ST6GAL1: variants seen among roughly 807,000 people sequenced by gnomAD.
ST6GAL1 encodes the protein beta-galactoside alpha-2,6-sialyltransferase 1.
A neutral mutation model predicts 38.0 loss-of-function variants in ST6GAL1; 20 were observed. The ratio of observed to expected loss-of-function variants is 0.53; its 90% CI spans 0.37 to 0.77. The LOEUF is 0.77. Ranked by LOEUF, ST6GAL1 falls within the 30% of genes least tolerant of loss-of-function variation. The pLI is 0.00. For missense variants in ST6GAL1, 432 were observed against 496.4 expected (o/e 0.87, Z 1.23); for synonymous variants, 196 against 188.2 (o/e 1.04, Z -0.34).
Position 187,075,544 on chromosome 3 carries a change from C to G in ST6GAL1, c.980-18C>G, listed in dbSNP as rs1449227226. 5.0e-6 allele frequency: 8 copies of G among 1,612,650 alleles called. No homozygotes were observed. Among genetic ancestry groups the G allele is most frequent in the Non-Finnish European group, 3.4e-6 (4 of 1,178,862 alleles). ...GGGTGGGTTGTCAGGCATGACTCAC[C>G]TCTGCTCCCCTCTCCAGGTATCATC... On this transcript the variant is annotated intron_variant, in intron 7 of 7. Transcript: ENST00000169298. The surrounding 1 kb of genome is among the most constrained non-coding windows in gnomAD (Gnocchi z 4.1).
chr3:186,941,648 G>C (rs186712761), intron 1 of ST6GAL1, among the ~76,000 whole-genome samples: 1 of 152,230 alleles, frequency 6.6e-6, no homozygotes, highest in Non-Finnish European at 1.5e-5. Context: ...CTGACTTAAC[G>C]GAGCTACCCA....
chr3:187,055,931 GT>G (rs1718685121), intron 5 of ST6GAL1, among the ~76,000 whole-genome samples: 1 of 152,164 alleles, frequency 6.6e-6, no homozygotes, highest in South Asian at 2.1e-4. Context: ...TTATTATTGT[GT>G]GGGAGTCTAA....
chr3:187,031,490 C>G (rs1313414290), intron 2 of ST6GAL1, among the ~76,000 whole-genome samples: 1 of 151,342 alleles, frequency 6.6e-6, no homozygotes, highest in African/African-American at 2.4e-5. Flanking sequence ...GGCTGCAGTG[C>G]AGTGGTGTGA....
intron 2 of ST6GAL1, among the ~76,000 whole-genome samples, chr3:187,012,792 C>T (rs913139281): frequency 6.6e-6 from 1 of 152,224 alleles, no homozygotes; most frequent in Non-Finnish European, 1.5e-5. Context: ...TGAGCACATT[C>T]AGTGCAAGAG....
At chr3:187,064,697 T>A in intron 5 of ST6GAL1, 2 of 449,304 alleles carry the variant, frequency 4.5e-6, no homozygotes, top group Admixed American at 4.7e-5. Context: ...TCCTGGCCGC[T>A]CCATGACAGC....
At chr3:187,053,862 G>A (rs1485798338) in intron 5 of ST6GAL1, among the ~76,000 whole-genome samples, 2 of 152,146 alleles carry the variant, frequency 1.3e-5, no homozygotes, top group Non-Finnish European at 2.9e-5. Flanking sequence ...TGATGGGGAT[G>A]GCATTGAATC....
chr3:187,008,857 TTC>T (rs140725978), intron 2 of ST6GAL1, among the ~76,000 whole-genome samples: 7 of 152,124 alleles, frequency 4.6e-5, no homozygotes, highest in African/African-American at 1.4e-4. Context: ...TTTTTGGTTT[TTC>T]TCTCTCTGTC....
At chr3:187,061,082 ATGAT>A (rs1718900974) in intron 5 of ST6GAL1, among the ~76,000 whole-genome samples, 1 of 152,228 alleles carries the variant, frequency 6.6e-6, no homozygotes, top group South Asian at 2.1e-4. Flanking sequence ...ATAACAATGA[ATGAT>A]CTAGAAAGGA....
At chr3:187,009,735 G>T (rs1716895532) in intron 2 of ST6GAL1, among the ~76,000 whole-genome samples, 1 of 152,186 alleles carries the variant, frequency 6.6e-6, no homozygotes, top group South Asian at 2.1e-4. Flanking sequence ...GCTGGGCATG[G>T]TGACTCACGG....
intron 1 of ST6GAL1, among the ~76,000 whole-genome samples, chr3:186,935,363 A>G (rs1713912654): frequency 7.1e-6 from 1 of 141,500 alleles, no homozygotes; most frequent in African/African-American, 2.6e-5. Context: ...GCTGCATAGT[A>G]TTCCATAGTA....
chr3:187,000,395 C>CAA (rs370577965), intron 2 of ST6GAL1, among the ~76,000 whole-genome samples: 51 of 123,492 alleles, frequency 4.1e-4, no homozygotes, highest in Admixed American at 3.3e-3. Flanking sequence ...ACTAAAAATA[C>CAA]AAAAAAAAAA....
chr3:187,064,430 G>A lies in ST6GAL1; in HGVS notation c.706-8419G>A, dbSNP rs925893678. 4 of 440,302 alleles carry A rather than the reference G, an allele frequency of 9.1e-6. No individual in the cohort carries two copies. The East Asian group carries it at 2.1e-4, about 23-fold the overall frequency. 27.3% of individuals were successfully genotyped at this position (440,302 alleles called of 1,614,324 possible). A position where few individuals can be genotyped will look rare whatever the true frequency, so the allele number is the denominator to read the frequency against. Reference sequence around the variant, plus strand: ...CACAAAGGGTTGCGAAATAGCTCCCGTGGAATCAGAATCTGACAGGGAGGA... The same window carrying A: ...CACAAAGGGTTGCGAAATAGCTCCCATGGAATCAGAATCTGACAGGGAGGA... On this transcript the variant is annotated intron_variant, in intron 5 of 7. Coordinates refer to ENST00000169298, the MANE Select transcript of ST6GAL1 (RefSeq NM_173216.2).
At chr3:186,935,555 T>G (rs1325229534) in intron 1 of ST6GAL1, among the ~76,000 whole-genome samples, 1 of 152,232 alleles carries the variant, frequency 6.6e-6, no homozygotes, top group Non-Finnish European at 1.5e-5. Context: ...AGTTCTATTT[T>G]TAGTTTTTCG....
At chr3:186,933,436 C>T (rs1049917945) in intron 1 of ST6GAL1, among the ~76,000 whole-genome samples, 7 of 152,242 alleles carry the variant, frequency 4.6e-5, no homozygotes, top group African/African-American at 7.2e-5. Context: ...GTGTGGTGCA[C>T]GAGCTCGGAA....
chr3:186,934,263 G>A (rs1392963223), intron 1 of ST6GAL1, among the ~76,000 whole-genome samples: 1 of 152,108 alleles, frequency 6.6e-6, no homozygotes, highest in Admixed American at 6.5e-5. Context: ...TGGGCCAGGT[G>A]TGGTGGCTCA....
chr3:186,978,998 C>T lies in ST6GAL1; in HGVS notation c.-183+15072C>T, dbSNP rs564923782. Among the ~76,000 whole-genome samples the T allele has an allele frequency of 2.5e-4, 38 of 152,100 alleles. 1 individual carries two copies. The South Asian group carries it at 6.0e-3, about 24-fold the overall frequency. ...CTTCCTCTAGTAGAGTTGGCACCAC[C>T]TCCTCGGCCCTTAGTTTTTAATGCT... On this transcript the variant is annotated intron_variant, in intron 2 of 7. Coordinates refer to ENST00000169298, the MANE Select transcript of ST6GAL1 (RefSeq NM_173216.2).
At chr3:186,985,228 C>A (rs1715871231) in intron 2 of ST6GAL1, among the ~76,000 whole-genome samples, 1 of 151,962 alleles carries the variant, frequency 6.6e-6, no homozygotes, top group Non-Finnish European at 1.5e-5. Context: ...CTTTCTTGTA[C>A]TCTACTTTGT....
At chr3:187,010,381 C>G (rs1450652184) in intron 2 of ST6GAL1, among the ~76,000 whole-genome samples, 1 of 152,116 alleles carries the variant, frequency 6.6e-6, no homozygotes, top group East Asian at 1.9e-4. Context: ...TCTTTTATTT[C>G]CAGTGACATT....
intron 1 of ST6GAL1, among the ~76,000 whole-genome samples, chr3:186,944,557 C>T (rs1186044027): frequency 6.6e-6 from 1 of 151,988 alleles, no homozygotes; most frequent in Non-Finnish European, 1.5e-5. Flanking sequence ...GATGAAACTA[C>T]TCAATGAAAT....
Sources: gnomAD v4.1 joint callset for allele counts (sites outside exome capture counted in the v4.1 genomes callset) on GRCh38, gnomAD v4.1.1 for gene constraint, Gnocchi (gnomAD v3.1) non-coding constraint, MANE v1.5 for transcripts, NCBI Gene and HGNC (gene_info 2026-07-23, HGNC 2026-07-21) for gene names.